Variants in PLK3 observed in about 807,000 individuals in gnomAD.
PLK3 encodes polo like kinase 3.
Under a neutral mutation model 71.6 loss-of-function variants are expected in PLK3, and 41 were observed. The ratio of observed to expected loss-of-function variants is 0.57; its 90% CI spans 0.45 to 0.74. The LOEUF (loss-of-function observed/expected upper bound fraction) is 0.74, where lower values mean the gene tolerates loss of function less well. Among genes scored for constraint, PLK3 ranks in the 30% least tolerant of loss-of-function variants. The pLI is 0.00. For missense variants in PLK3, 791 were observed against 875.6 expected (o/e 0.90, Z 1.22); for synonymous variants, 366 against 355.4 (o/e 1.03, Z -0.33).
intron 12 of PLK3, 61 bp downstream of exon 12, chr1:44,804,562 G>GT: frequency 6.2e-7 from 1 of 1,605,580 alleles, no homozygotes; most frequent in Non-Finnish European, 8.5e-7. Flanking sequence ...CCGCACCCTC[G>GT]TGAGTGCTCC....
At chr1:44,801,554 AG>A (rs1651830246) in intron 3 of PLK3, 67 bp from the exon 4 acceptor site, 9 of 1,466,792 alleles carry the variant, frequency 6.1e-6, no homozygotes, top group Non-Finnish European at 7.5e-6. Flanking sequence ...TTTCTTCCTC[AG>A]GGAGCACAGA....
Position 44,805,228 on chromosome 1 carries a change from C to G in PLK3, c.1636-38C>G, listed in dbSNP as rs754559853. ...TACACTAATGGGGAGGGGGCTGTCT[C>G]ACGCTGGATCAGTGACCTGCCCTGA... On this transcript the variant is annotated intron_variant, in intron 13 of 14. Transcript: ENST00000372201. The G allele has an allele frequency of 1.4e-5, 19 of 1,385,312 alleles. No homozygotes were observed. The East Asian group carries it at 2.7e-4, about 20-fold the overall frequency. The allele number at this position is 1,385,312 out of a possible 1,614,324, so 85.8% of individuals were successfully genotyped here. A position where few individuals can be genotyped will look rare whatever the true frequency, so the allele number is the denominator to read the frequency against.
intron 3 of PLK3, 46 bp from the exon 4 acceptor site, chr1:44,801,576 G>A: frequency 6.3e-7 from 1 of 1,597,984 alleles, no homozygotes. Context: ...TGGAGGGGGA[G>A]GGGGAGGGAG....
Position 44,803,467 on chromosome 1 carries a change from T to A in PLK3, c.1072+76T>A, listed in dbSNP as rs1573612752. The A allele has an allele frequency of 4.4e-6, 7 of 1,601,672 alleles. No homozygotes were observed. The highest frequency in any genetic ancestry group is 6.0e-6 in the Non-Finnish European group (7 of 1,171,388). On this transcript the variant is annotated intron_variant, in intron 8 of 14. Transcript: ENST00000372201. The surrounding 1 kb of genome is among the most constrained non-coding windows in gnomAD (Gnocchi z 4.3). ...GTCACATTTGTCTTGGGTGTGTGAG[T>A]GTGGGTGCCTGGAAACTCCTGGGGA...
chr1:44,804,073 A>G, intron 10 of PLK3, 49 bp downstream of exon 10: 3 of 1,546,866 alleles, frequency 1.9e-6, no homozygotes, highest in Non-Finnish European at 2.7e-6. Context: ...TGGAGCTGAG[A>G]TCAGGGGCGA....
In PLK3 at chr1:44,805,658, C is replaced by G. The variant is rs1162850918; in HGVS notation, c.1921C>G (p.Arg641Gly). 1.2e-6 allele frequency: 2 copies of G among 1,612,758 alleles called. No individual in the cohort carries two copies. Among genetic ancestry groups the G allele is most frequent in the Admixed American group, 3.3e-5 (2 of 60,012 alleles). ...QRLRYALRLL[R>G]DRSPA ...ACTCCGCTATGCTCTGCGCCTGCTC[C>G]GGGACCGCAGCCCAGCCTAGGACCC... The change falls in exon 15 of 15, where the codon CGG becomes GGG. Residue 641 changes from arginine to glycine, a missense_variant. By Grantham distance (125) the Arg-to-Gly change is moderately radical. Transcript: ENST00000372201.
rs1486824314 is a variant in PLK3 at position 44,803,527 on chromosome 1, T to C, written c.1073-73T>C. On this transcript the variant is annotated intron_variant, in intron 8 of 14. Transcript: ENST00000372201. This position sits in a 1 kb window ranked among gnomAD's most constrained non-coding sequence, Gnocchi z 4.3. ...CAGTACAGGCACTTGGGGAGGCCAA[T>C]CTCTGTGTCATCCCTGTCGGAAGTG... is the stretch of plus-strand genomic sequence containing the variant. The C allele has an allele frequency of 2.5e-6, 4 of 1,571,856 alleles. No homozygotes were observed. In the East Asian group the frequency reaches 6.7e-5, roughly 26 times the overall value.
At chr1:44,802,362 C>A (rs1177550051) in intron 5 of PLK3, among the ~76,000 whole-genome samples, 1 of 151,966 alleles carries the variant, frequency 6.6e-6, no homozygotes, top group Non-Finnish European at 1.5e-5. Flanking sequence ...ACACAGATAG[C>A]GTATGTGGCA....
In PLK3 at chr1:44,804,483, C is replaced by A; in HGVS notation, c.1487C>A (p.Ala496Asp). 1 of 1,614,148 alleles carries A rather than the reference C, an allele frequency of 6.2e-7. No homozygotes were observed. The highest frequency in any genetic ancestry group is 8.5e-7 in the Non-Finnish European group (1 of 1,180,002). The part of the protein sequence containing the change: ...AVLFNDGTHM[A>D]LSANRKTVHY... The stretch of plus-strand genomic sequence containing the variant: ...CTCTTCAACGATGGCACACATATGG[C>A]CCTGTCGGCCAACAGAAAGTAAGTG... Residue 496 changes from alanine to aspartate, a missense_variant, in exon 12 of 15, where the codon GCC becomes GAC. Physicochemically the swap from Ala to Asp is moderately radical, Grantham distance 126. Transcript: ENST00000372201.
At chr1:44,802,068 C>A in intron 5 of PLK3, 136 bp downstream of exon 5, 1 of 701,628 alleles carries the variant, frequency 1.4e-6, no homozygotes, top group Non-Finnish European at 2.4e-6. Flanking sequence ...GCTGTTCATG[C>A]ATGTGTGAAG....
Position 44,803,923 on chromosome 1 carries a change from C to T in PLK3, c.1165-8C>T. 1.3e-5 allele frequency: 20 copies of T among 1,544,836 alleles called. No homozygotes were observed. The highest frequency in any genetic ancestry group is 1.6e-5 in the Non-Finnish European group (18 of 1,141,492). On this transcript the variant is annotated splice_region_variant and splice_polypyrimidine_tract_variant and intron_variant, in intron 9 of 14. Transcript: ENST00000372201. This position sits in a 1 kb window ranked among gnomAD's most constrained non-coding sequence, Gnocchi z 4.3. ...TGTGTCACTCCCTTTCCCTGCCCAA[C>T]CCTCCAGGCTCCAGCAGCTTCTGGC...
chr1:44,802,959 A>G lies in PLK3; in HGVS notation c.754A>G (p.Thr252Ala), dbSNP rs1252977837. 1 of 1,614,000 alleles carries G rather than the reference A, an allele frequency of 6.2e-7. No individual in the cohort carries two copies. Among genetic ancestry groups the G allele is most frequent in the Non-Finnish European group, 8.5e-7 (1 of 1,179,908 alleles). The change falls in exon 7 of 15, where the codon ACG becomes GCG. Residue 252 changes from threonine (T) to alanine (A), a missense_variant. Transcript: ENST00000372201. Reference sequence around the variant, plus strand: ...CCCCTTGGCCCTGCCCTATAGGTACACGCTGCTCTGCGGGAGCCCTCCCTT... The same window carrying G: ...CCCCTTGGCCCTGCCCTATAGGTACGCGCTGCTCTGCGGGAGCCCTCCCTT... Reference protein sequence around the residue: ...DVWSLGCVMYTLLCGSPPFET... With the variant: ...DVWSLGCVMYALLCGSPPFET...
rs759192362 is a variant in PLK3 at position 44,803,178 on chromosome 1, G to A, written c.948+25G>A. The A allele has an allele frequency of 6.2e-7, 1 of 1,613,132 alleles. No individual in the cohort carries two copies. Among genetic ancestry groups the A allele is most frequent in the Non-Finnish European group, 8.5e-7 (1 of 1,179,426 alleles). On this transcript the variant is annotated intron_variant, in intron 7 of 14. Transcript: ENST00000372201. This position sits in a 1 kb window ranked among gnomAD's most constrained non-coding sequence, Gnocchi z 4.3. Reference sequence around the variant, plus strand: ...GGTCTGTGGCTCCCCAGACCTCTAAGTCCATCTGTGTATTCCCAGGGATTG... The same window carrying A: ...GGTCTGTGGCTCCCCAGACCTCTAAATCCATCTGTGTATTCCCAGGGATTG...
rs761117835 is a variant in PLK3 at position 44,804,355 on chromosome 1, C to T, written c.1359C>T (p.Ala453=). 7 of 1,614,000 alleles carry T rather than the reference C, an allele frequency of 4.3e-6. No homozygotes were observed. Among genetic ancestry groups the T allele is most frequent in the Non-Finnish European group, 5.9e-6 (7 of 1,179,968 alleles). The change falls in exon 12 of 15, where the codon GCC becomes GCT. Residue 453 remains alanine (A), a synonymous_variant. Transcript: ENST00000372201. ...CCATGACAGCGGAACAGAACCCGGCCCCCCTGGCCCAGCCAGAGCCTCTGG... is the reference window on the plus strand; with the variant it reads ...CCATGACAGCGGAACAGAACCCGGCTCCCCTGGCCCAGCCAGAGCCTCTGG... ...AFMPPAEQNP[A]PLAQPEPLVW...
In PLK3 at chr1:44,804,664, A is replaced by G. The variant is rs1468979391; in HGVS notation, c.1520A>G (p.Asn507Ser). ...LSANRKTVHY[N>S]PTSTKHFSFS... Reference sequence around the variant, plus strand: ...CCCCATTCTAGGACTGTGCACTACAATCCCACCAGCACAAAGCACTTCTCC... The same window carrying G: ...CCCCATTCTAGGACTGTGCACTACAGTCCCACCAGCACAAAGCACTTCTCC... Residue 507 changes from asparagine to serine, a missense_variant, in exon 13 of 15, where the codon AAT becomes AGT. Asn to Ser is a conservative substitution (Grantham distance 46, BLOSUM62 1). Coordinates refer to ENST00000372201, the MANE Select transcript of PLK3 (RefSeq NM_004073.4). 1.2e-6 allele frequency: 2 copies of G among 1,613,928 alleles called. No homozygotes were observed. The highest frequency in any genetic ancestry group is 1.1e-5 in the South Asian group (1 of 91,066).
At chr1:44,804,803 C>G in intron 13 of PLK3, 24 bp downstream of exon 13, 1 of 1,611,410 alleles carries the variant, frequency 6.2e-7, no homozygotes, top group Non-Finnish European at 8.5e-7. Context: ...GGCTGTGGTA[C>G]ATTGAAACCT....
In PLK3 at chr1:44,804,447, G is replaced by C. The variant is rs143522847; in HGVS notation, c.1451G>C (p.Arg484Pro). 6.2e-7 allele frequency: 1 copy of C among 1,614,188 alleles called. No individual in the cohort carries two copies. Among genetic ancestry groups the C allele is most frequent in the Admixed American group, 1.7e-5 (1 of 60,022 alleles). ...FGFGYQLSSRRVAVLFNDGTH... is the reference protein window; with the variant it reads ...FGFGYQLSSRPVAVLFNDGTH... Reference sequence around the variant, plus strand: ...TTTGGGTATCAACTGTCCAGCCGCCGTGTGGCTGTGCTCTTCAACGATGGC... The same window carrying C: ...TTTGGGTATCAACTGTCCAGCCGCCCTGTGGCTGTGCTCTTCAACGATGGC... Residue 484 changes from arginine to proline, a missense_variant, in exon 12 of 15, where the codon CGT becomes CCT. Arg to Pro is a moderately radical substitution (Grantham distance 103, BLOSUM62 -2). Coordinates refer to ENST00000372201, the MANE Select transcript of PLK3 (RefSeq NM_004073.4).
rs141933667 is a variant in PLK3 at position 44,803,391 on chromosome 1, A to G, written c.1072A>G (p.Ser358Gly). The G allele has an allele frequency of 5.0e-6, 8 of 1,613,812 alleles. No homozygotes were observed. The African/African-American group carries it at 1.1e-4, about 22-fold the overall frequency. Reference protein sequence around the residue: ...TKSLFGRKKKSKNHAQERDEV... With the variant: ...TKSLFGRKKKGKNHAQERDEV... ...GAGCCTCTTTGGCAGAAAGAAGAAG[A>G]GTGAGTCTGGGGTGTCAGTGGGTTG... Residue 358 changes from serine (S) to glycine (G), a missense_variant and splice_region_variant, in exon 8 of 15, where the codon AGT (serine) becomes GGT (glycine). By Grantham distance (56) the Ser-to-Gly change is moderately conservative (BLOSUM62 0). Transcript: ENST00000372201. This position sits in a 1 kb window ranked among gnomAD's most constrained non-coding sequence, Gnocchi z 4.3.
chr1:44,804,187 C>A lies in PLK3; in HGVS notation c.1283C>A (p.Ala428Asp). Reference protein sequence around the residue: ...GDGFEEGLTVATVVESALCAL... With the variant: ...GDGFEEGLTVDTVVESALCAL... ...GGATTTGAAGAAGGTCTGACTGTGG[C>A]CACAGTAGTGGAGTCAGCCCTTTGT... Residue 428 changes from alanine (A) to aspartate (D), a missense_variant, in exon 11 of 15, where the codon GCC (alanine) becomes GAC (aspartate). Coordinates refer to ENST00000372201, the MANE Select transcript of PLK3 (RefSeq NM_004073.4). 1 of 1,613,836 alleles carries A rather than the reference C, an allele frequency of 6.2e-7. No individual in the cohort carries two copies. Among genetic ancestry groups the A allele is most frequent in the Non-Finnish European group, 8.5e-7 (1 of 1,179,726 alleles).
Sources: allele counts gnomAD v4.1 joint callset (sites outside exome capture counted in the v4.1 genomes callset), GRCh38; gene constraint gnomAD v4.1.1; non-coding constraint Gnocchi (gnomAD v3.1); transcripts MANE v1.5; gene names NCBI Gene and HGNC (gene_info 2026-07-23, HGNC 2026-07-21).